The following CADM2 variants were observed in gnomAD, a reference collection of about 807,000 sequenced individuals.
The protein encoded by CADM2 is cell adhesion molecule 2.
Under a neutral mutation model 49.8 loss-of-function variants are expected in CADM2, and 12 were observed. The observed-to-expected ratio is 0.24, with a 90% CI of 0.15 to 0.39. CADM2 has a LOEUF of 0.39. CADM2 is among the 10% of genes least tolerant of loss of function. The pLI, the probability that CADM2 is intolerant of heterozygous loss-of-function variation, is 1.00. For synonymous variants in CADM2, 214 were observed against 175.4 expected (o/e 1.22, Z -1.74); for missense variants, 378 against 492.3 (o/e 0.77, Z 2.20).
chr3:86,011,631 C>T (rs1399551387), intron 8 of CADM2, among the ~76,000 whole-genome samples: 1 of 151,988 alleles, frequency 6.6e-6, no homozygotes, highest in Non-Finnish European at 1.5e-5. Flanking sequence ...GTAACAGGGT[C>T]CTAAATTTTA....
intron 1 of CADM2, among the ~76,000 whole-genome samples, chr3:85,279,410 T>C (rs759477839): frequency 6.6e-6 from 1 of 151,552 alleles, no homozygotes; most frequent in African/African-American, 2.4e-5. Flanking sequence ...TGATAGAAGA[T>C]ACAATACTCT....
At chr3:85,717,715 C>T (rs571081644) in intron 1 of CADM2, among the ~76,000 whole-genome samples, 1 of 151,878 alleles carries the variant, frequency 6.6e-6, no homozygotes, top group Admixed American at 6.6e-5. Flanking sequence ...TGAATTATAT[C>T]GAAGGGCTTT....
At chr3:85,239,736 C>G (rs1270047700) in intron 1 of CADM2, among the ~76,000 whole-genome samples, 2 of 150,684 alleles carry the variant, frequency 1.3e-5, no homozygotes, top group Non-Finnish European at 3.0e-5. Context: ...CTGATTTGGC[C>G]AAAGATACTG....
intron 1 of CADM2, among the ~76,000 whole-genome samples, chr3:85,462,225 C>T (rs184152556): frequency 6.6e-6 from 1 of 152,082 alleles, no homozygotes; most frequent in Admixed American, 6.5e-5. Context: ...GAATATCCCC[C>T]CAATATAATT....
At chr3:85,726,041 A>G (rs1273781426) in intron 1 of CADM2, among the ~76,000 whole-genome samples, 4 of 152,008 alleles carry the variant, frequency 2.6e-5, no homozygotes, top group Admixed American at 2.0e-4. Flanking sequence ...CTTACTTCTC[A>G]CAGTTGTCAT....
intron 1 of CADM2, among the ~76,000 whole-genome samples, chr3:85,107,683 C>T (rs1376599023): frequency 3.8e-5 from 4 of 105,136 alleles, no homozygotes; most frequent in African/African-American, 1.1e-4. Context: ...TTCCTTCTTT[C>T]TCTTTCTTTC....
chr3:85,506,693 C>T (rs1559875509), intron 1 of CADM2, among the ~76,000 whole-genome samples: 1 of 152,078 alleles, frequency 6.6e-6, no homozygotes, highest in Non-Finnish European at 1.5e-5. Context: ...CACCATACCC[C>T]ATGGCTTCTG....
rs142855625 is a variant in CADM2, at chr3:85,506,610, G to A, written c.62-219912G>A. On this transcript the variant is annotated intron_variant, in intron 1 of 9. Transcript: ENST00000383699. ...GCCGGGATATCACTATGTTGCCCAGGCTGGACTCCAACTCCTGAGCTCAAG... is the reference window on the plus strand; with the variant it reads ...GCCGGGATATCACTATGTTGCCCAGACTGGACTCCAACTCCTGAGCTCAAG... 8.6e-3 allele frequency among the ~76,000 whole-genome samples: 1,312 copies of A among 151,810 alleles called. 25 individuals are homozygous for A. Among genetic ancestry groups the A allele is most frequent in the African/African-American group, 0.031 (1,265 of 41,340 alleles).
At chr3:85,308,361 T>C (rs1435107796) in intron 1 of CADM2, among the ~76,000 whole-genome samples, 1 of 148,842 alleles carries the variant, frequency 6.7e-6, no homozygotes, top group African/African-American at 2.5e-5. Context: ...GTTACAAGCC[T>C]ATAAATCCTA....
At chr3:85,900,163 A>G (rs1007361321) in intron 5 of CADM2, among the ~76,000 whole-genome samples, 1 of 152,122 alleles carries the variant, frequency 6.6e-6, no homozygotes, top group Non-Finnish European at 1.5e-5. Context: ...ATGATGTTCA[A>G]TTGTTTTAAA....
chr3:85,618,281 T>C (rs2063857228), intron 1 of CADM2, among the ~76,000 whole-genome samples: 1 of 152,110 alleles, frequency 6.6e-6, no homozygotes, highest in Admixed American at 6.6e-5. Context: ...CAATAAAAGA[T>C]ATTGGGAATC....
At chr3:85,941,629 G>A (rs1010467930) in intron 7 of CADM2, among the ~76,000 whole-genome samples, 1 of 152,038 alleles carries the variant, frequency 6.6e-6, no homozygotes, top group African/African-American at 2.4e-5. Context: ...ATTTAAGGTA[G>A]GACAAGTTTA....
At chr3:85,147,275 C>CAAAAAAAAAAAAAAAAA (rs759888985) in intron 1 of CADM2, among the ~76,000 whole-genome samples, 5 of 46,004 alleles carry the variant, frequency 1.1e-4, no homozygotes, top group African/African-American at 2.0e-4. Context: ...GACTCTGTCT[C>CAAAAAAAAAAAAAAAAA]AAAAAAAAAA....
At chr3:85,560,209 T>C (rs1443288884) in intron 1 of CADM2, among the ~76,000 whole-genome samples, 2 of 152,126 alleles carry the variant, frequency 1.3e-5, no homozygotes, top group Non-Finnish European at 2.9e-5. Context: ...TGGTGAACCA[T>C]GAGGGGATTA....
chr3:85,712,730 T>G (rs13076821), intron 1 of CADM2, among the ~76,000 whole-genome samples: 26,949 of 116,356 alleles, frequency 0.23, 2,992 homozygotes, highest in Non-Finnish European at 0.29. Flanking sequence ...CAGATCATGT[T>G]AAGCTTTTTT....
chr3:85,613,149 C>T (rs1472709957), intron 1 of CADM2, among the ~76,000 whole-genome samples: 2 of 151,638 alleles, frequency 1.3e-5, no homozygotes, highest in Non-Finnish European at 3.0e-5. Context: ...TATGCAGACA[C>T]ATTGATAAAT....
At chr3:85,249,000 AT>A (rs1181531492) in intron 1 of CADM2, among the ~76,000 whole-genome samples, 1 of 152,144 alleles carries the variant, frequency 6.6e-6, no homozygotes, top group African/African-American at 2.4e-5. Flanking sequence ...AAAAAATGTT[AT>A]CATCTGTAGG....
intron 7 of CADM2, among the ~76,000 whole-genome samples, chr3:85,942,491 C>A (rs1722060251): frequency 7.7e-6 from 1 of 130,632 alleles, no homozygotes; most frequent in Non-Finnish European, 1.6e-5. Context: ...CCCCTCCCCC[C>A]ACCCCACAAC....
At chr3:85,874,148 G>A (rs1002125239) in intron 3 of CADM2, among the ~76,000 whole-genome samples, 2 of 152,062 alleles carry the variant, frequency 1.3e-5, no homozygotes, top group Non-Finnish European at 1.5e-5. Flanking sequence ...CTAAGAAGTT[G>A]TTTATTTCAT....
Sources: allele counts gnomAD v4.1 joint callset (sites outside exome capture counted in the v4.1 genomes callset), GRCh38; gene constraint gnomAD v4.1.1; transcripts MANE v1.5; gene names NCBI Gene and HGNC (gene_info 2026-07-23, HGNC 2026-07-21).